GALNTL5: variants seen among roughly 807,000 people sequenced by gnomAD.
The protein encoded by GALNTL5 is polypeptide N-acetylgalactosaminyltransferase like 5, also known as inactive polypeptide N-acetylgalactosaminyltransferase-like protein 5.
Under a neutral mutation model 51.0 loss-of-function variants are expected in GALNTL5, and 44 were observed. The observed-to-expected ratio is 0.86, with a 90% CI of 0.68 to 1.11. The LOEUF is 1.11. GALNTL5 is among the 50% of genes least tolerant of loss of function. The pLI, the probability that GALNTL5 is intolerant of heterozygous loss-of-function variation, is 0.00. For synonymous variants in GALNTL5, 192 were observed against 182.8 expected, an observed-to-expected ratio of 1.05 and a Z score of -0.41; for missense variants, 528 against 531.8, an observed-to-expected ratio of 0.99 and a Z score of 0.07.
In GALNTL5 at chr7:151,983,034, C is replaced by A. The variant is rs758161025; in HGVS notation, c.417C>A (p.Val139=). The change falls in exon 4 of 9, where the codon GTC becomes GTA. Residue 139 remains valine (V), a synonymous_variant. Transcript: ENST00000392800. The part of the protein sequence containing the change: ...YPARLPTASI[V]ICFYNEECNA... ...CCCGCCTCCCGACTGCCAGCATTGT[C>A]ATTTGCTTCTATAATGAAGAATGTA... 3 of 1,614,158 alleles carry A rather than the reference C, an allele frequency of 1.9e-6. No homozygotes were observed. Among genetic ancestry groups the A allele is most frequent in the Non-Finnish European group, 2.5e-6 (3 of 1,180,000 alleles).
rs563635788 is a variant in GALNTL5, at chr7:151,992,412, G to A, written c.658+5131G>A. On this transcript the variant is annotated intron_variant, in intron 5 of 8. Transcript: ENST00000392800. ...GGCCAGAAGTCCAAAATCAAGGTGT[G>A]AGCAGGACCTCACTCCTTCTGAGAC... 3.3e-5 allele frequency among the ~76,000 whole-genome samples: 5 copies of A among 152,274 alleles called. No individual in the cohort carries two copies. The East Asian group carries it at 9.6e-4, about 29-fold the overall frequency.
In GALNTL5 at chr7:152,002,946, A is replaced by G; in HGVS notation, c.891A>G (p.Gly297=). ...VFSYEMDGPE[G]STKPIRSPAM... is the part of the protein sequence containing the mutation. ...CTTATGAGATGGATGGACCAGAAGGATCTACTAAACCAATCCGGTGAGATT... is the reference window on the plus strand; with the variant it reads ...CTTATGAGATGGATGGACCAGAAGGGTCTACTAAACCAATCCGGTGAGATT... The change falls in exon 6 of 9, where the codon GGA becomes GGG. Residue 297 remains glycine (G), a synonymous_variant. Coordinates refer to ENST00000392800, the MANE Select transcript of GALNTL5 (RefSeq NM_145292.4). 6.2e-7 allele frequency: 1 copy of G among 1,614,038 alleles called. No homozygotes were observed. The highest frequency in any genetic ancestry group is 8.5e-7 in the Non-Finnish European group (1 of 1,179,910).
intron 5 of GALNTL5, among the ~76,000 whole-genome samples, chr7:152,000,451 A>G (rs891860188): frequency 3.3e-5 from 5 of 152,220 alleles, no homozygotes; most frequent in Admixed American, 3.3e-4. Flanking sequence ...ACACCCTCAG[A>G]GAACTCAGCC....
At chr7:152,008,790 T>C (rs28408627) in intron 7 of GALNTL5, among the ~76,000 whole-genome samples, 63,285 of 151,846 alleles carry the variant, frequency 0.42, 14,558 homozygotes, top group African/African-American at 0.61. Context: ...CCTTTGGACG[T>C]AGGCATTATT....
chr7:151,980,541 A>T (rs1188261150), intron 3 of GALNTL5, among the ~76,000 whole-genome samples: 11 of 151,624 alleles, frequency 7.3e-5, no homozygotes, highest in Non-Finnish European at 1.6e-4. Context: ...TGTCAGTTCC[A>T]CTCAGTGGGC....
Position 151,967,507 on chromosome 7 carries a change from T to C in GALNTL5, c.247+14T>C. 6.2e-7 allele frequency: 1 copy of C among 1,603,868 alleles called. No individual in the cohort carries two copies. Among genetic ancestry groups the C allele is most frequent in the Non-Finnish European group, 8.5e-7 (1 of 1,173,228 alleles). On this transcript the variant is annotated intron_variant, in intron 2 of 8. Transcript: ENST00000392800. ...AGTCTATGTTAGGTAAGTATTTGGA[T>C]TTTTTTCCGTTAGCCATTTGAAGGG...
At chr7:151,971,711 C>T (rs2081145755) in intron 3 of GALNTL5, among the ~76,000 whole-genome samples, 1 of 152,112 alleles carries the variant, frequency 6.6e-6, no homozygotes, top group Non-Finnish European at 1.5e-5. Flanking sequence ...AAGGGAGGGA[C>T]CTGGTGGAAG....
intron 3 of GALNTL5, among the ~76,000 whole-genome samples, chr7:151,971,859 T>C (rs910186449): frequency 3.9e-5 from 6 of 152,206 alleles, no homozygotes; most frequent in Non-Finnish European, 2.9e-5. Context: ...ATGTAAGACA[T>C]GCCTTGCTTT....
intron 4 of GALNTL5, among the ~76,000 whole-genome samples, chr7:151,985,302 C>T (rs545700351): frequency 6.6e-6 from 1 of 152,118 alleles, no homozygotes; most frequent in African/African-American, 2.4e-5. Context: ...ACTAGGGGGT[C>T]GCTGCTGCCA....
chr7:151,999,115 C>T (rs12668794), intron 5 of GALNTL5, among the ~76,000 whole-genome samples: 50,626 of 152,068 alleles, frequency 0.33, 8,695 homozygotes, highest in East Asian at 0.53. Context: ...TTCATATCAA[C>T]GGAATCATAC....
rs774677841 is a variant in GALNTL5 at position 152,014,807 on chromosome 7, C to T, written c.1176+14C>T. On this transcript the variant is annotated intron_variant, in intron 8 of 8. Coordinates refer to ENST00000392800, the MANE Select transcript of GALNTL5 (RefSeq NM_145292.4). ...GATGAATATAAGGTGGGGAACACAT[C>T]CTTGACTTGGAAAATGTATGCGAGG... is the stretch of plus-strand genomic sequence containing the variant. The T allele has an allele frequency of 3.8e-6, 6 of 1,591,854 alleles. No homozygotes were observed. In the East Asian group the frequency reaches 9.0e-5, roughly 24 times the overall value.
chr7:151,988,316 C>A (rs2151949848), intron 5 of GALNTL5, among the ~76,000 whole-genome samples: 1 of 152,240 alleles, frequency 6.6e-6, no homozygotes, highest in East Asian at 1.9e-4. Flanking sequence ...GATAGAGAGC[C>A]CAGGCCTCCT....
chr7:151,982,477 AT>A (rs1166673936), intron 3 of GALNTL5, among the ~76,000 whole-genome samples: 1 of 152,168 alleles, frequency 6.6e-6, no homozygotes. Flanking sequence ...AAGAAATCCA[AT>A]TAGACCATAT....
At chr7:151,990,489 G>T (rs1289279337) in intron 5 of GALNTL5, among the ~76,000 whole-genome samples, 2 of 145,344 alleles carry the variant, frequency 1.4e-5, no homozygotes, top group Admixed American at 7.0e-5. Context: ...GCTGAGGCAG[G>T]AGAATGGCGT....
intron 4 of GALNTL5, among the ~76,000 whole-genome samples, chr7:151,986,678 A>C (rs2081362814): frequency 6.6e-6 from 1 of 151,996 alleles, no homozygotes; most frequent in South Asian, 2.1e-4. Flanking sequence ...GTTGATTTTG[A>C]TAATGAATCA....
intron 5 of GALNTL5, among the ~76,000 whole-genome samples, chr7:151,993,842 A>T (rs943447991): frequency 1.7e-4 from 26 of 151,522 alleles, no homozygotes; most frequent in African/African-American, 5.6e-4. Context: ...CTGGTCTCAA[A>T]CTCCTGGTCT....
chr7:152,014,452 G>C (rs1352579209), intron 7 of GALNTL5, among the ~76,000 whole-genome samples, 192 bp from the exon 8 acceptor site: 3 of 152,048 alleles, frequency 2.0e-5, no homozygotes, highest in Non-Finnish European at 4.4e-5. Context: ...ATTTTTAGTA[G>C]AGAGAGGGTT....
intron 8 of GALNTL5, among the ~76,000 whole-genome samples, chr7:152,019,411 C>A (rs2081860499): frequency 6.6e-6 from 1 of 152,222 alleles, no homozygotes; most frequent in South Asian, 2.1e-4. Flanking sequence ...AGGACCCAGT[C>A]TTCCTGGATC....
At chr7:151,976,413 C>A (rs1042274082) in intron 3 of GALNTL5, among the ~76,000 whole-genome samples, 1 of 152,100 alleles carries the variant, frequency 6.6e-6, no homozygotes, top group African/African-American at 2.4e-5. Context: ...TTTTGACTTA[C>A]TGTCTGTTTT....
Sources: gnomAD v4.1 joint callset for allele counts (sites outside exome capture counted in the v4.1 genomes callset) on GRCh38, gnomAD v4.1.1 for gene constraint, MANE v1.5 for transcripts, NCBI Gene and HGNC (gene_info 2026-07-23, HGNC 2026-07-21) for gene names.